Variants in ATXN7 observed in about 807,000 individuals in gnomAD.
ATXN7 encodes ataxin-7.
Under a neutral mutation model 70.5 loss-of-function variants are expected in ATXN7, and 12 were observed. The ratio of observed to expected loss-of-function variants is 0.17; its 90% CI spans 0.11 to 0.28. ATXN7 has a LOEUF of 0.28. Among genes scored for constraint, ATXN7 ranks in the 10% least tolerant of loss-of-function variants. The pLI is 1.00. For synonymous variants in ATXN7, 498 were observed against 448.7 expected (o/e 1.11, Z -1.39); for missense variants, 1,256 against 1,131.7 (o/e 1.11, Z -1.58).
chr3:63,994,306 C>T (rs1241534281), intron 11 of ATXN7, among the ~76,000 whole-genome samples: 9 of 152,176 alleles, frequency 5.9e-5, no homozygotes, highest in Admixed American at 3.3e-4. Context: ...GTGATTTCAG[C>T]TCACTGTGAC....
chr3:63,923,648 A>C (rs758644830), intron 4 of ATXN7, among the ~76,000 whole-genome samples: 7 of 152,016 alleles, frequency 4.6e-5, no homozygotes, highest in Non-Finnish European at 8.8e-5. Context: ...TCTACAAAAA[A>C]AATTAGCTGG....
chr3:63,943,264 G>A (rs936478031), intron 4 of ATXN7, among the ~76,000 whole-genome samples: 1 of 152,256 alleles, frequency 6.6e-6, no homozygotes, highest in Non-Finnish European at 1.5e-5. Flanking sequence ...TGCCAAAGCG[G>A]AGAGTTCGAA....
chr3:63,932,378 C>T (rs926762378), intron 4 of ATXN7, among the ~76,000 whole-genome samples: 4 of 152,062 alleles, frequency 2.6e-5, no homozygotes, highest in Non-Finnish European at 5.9e-5. Flanking sequence ...AGGCATGCAT[C>T]ATTTCAGATA....
intron 4 of ATXN7, among the ~76,000 whole-genome samples, chr3:63,916,811 A>G (rs1704286462): frequency 6.6e-6 from 1 of 152,200 alleles, no homozygotes; most frequent in African/African-American, 2.4e-5. Flanking sequence ...GCATTCTTGT[A>G]TTTGTATTGC....
At chr3:63,912,023 C>G (rs1704035922) in intron 2 of ATXN7, 1 of 152,270 alleles carries the variant, frequency 6.6e-6, no homozygotes. Context: ...CAAACTTCGC[C>G]GGAGCGAGCT....
chr3:63,982,879 TA>T, intron 7 of ATXN7, 59 bp from the exon 8 acceptor site: 3 of 1,319,962 alleles, frequency 2.3e-6, no homozygotes, highest in Non-Finnish European at 3.3e-6. Context: ...TTTTCTTGCT[TA>T]AAAAATACAT....
At chr3:63,952,835 C>CTTTTTTTTTTTTTTTTTTTTTTTTTTTTT (rs59256288) in intron 5 of ATXN7, among the ~76,000 whole-genome samples, 2 of 49,164 alleles carry the variant, frequency 4.1e-5, no homozygotes, top group Admixed American at 2.4e-4. Context: ...ATGCATGGGC[C>CTTTTTTTTTTTTTTTTTTTTTTTTTTTTT]TTTTTTTTTT....
At chr3:63,970,101 A>G (rs1271607608) in intron 5 of ATXN7, among the ~76,000 whole-genome samples, 6 of 152,226 alleles carry the variant, frequency 3.9e-5, no homozygotes. Context: ...TTAGCAAAGT[A>G]GAAGTGTCAG....
At chr3:63,984,201 T>C (rs1010479343) in intron 8 of ATXN7, among the ~76,000 whole-genome samples, 7 of 150,918 alleles carry the variant, frequency 4.6e-5, no homozygotes, top group African/African-American at 1.7e-4. Flanking sequence ...CCTTTAAATA[T>C]CTCATTTTTA....
At chr3:63,984,092 T>C (rs2075532833) in intron 8 of ATXN7, among the ~76,000 whole-genome samples, 1 of 152,132 alleles carries the variant, frequency 6.6e-6, no homozygotes, top group East Asian at 1.9e-4. Flanking sequence ...AATTTTTAAG[T>C]GGTTCTTACT....
intron 2 of ATXN7, among the ~76,000 whole-genome samples, chr3:63,911,006 T>C (rs1214763516): frequency 6.6e-6 from 1 of 152,042 alleles, no homozygotes; most frequent in Non-Finnish European, 1.5e-5. Context: ...AGAAGTTGGC[T>C]ACCTCTGTCA....
intron 1 of ATXN7, among the ~76,000 whole-genome samples, chr3:63,871,393 A>G (rs868726827): frequency 2.0e-5 from 3 of 152,214 alleles, no homozygotes; most frequent in African/African-American, 7.2e-5. Context: ...TAAATTTGCT[A>G]CGTATCTTTT....
At position 63,990,809 on chromosome 3, in the gene ATXN7, C is replaced by G; in HGVS notation, c.1632C>G (p.Arg544=). The change falls in exon 11 of 13, where the codon CGC becomes CGG. Residue 544 remains arginine, a synonymous_variant. Coordinates refer to ENST00000674280, the MANE Select transcript of ATXN7 (RefSeq NM_001377405.1). ...YVFDSRWNRL[R]CALNLMVEKH... ...TTGACTCCAGGTGGAATCGACTTCG[C>G]TGCGCCCTCAACCTCATGGTGGAGA... The G allele has an allele frequency of 6.2e-7, 1 of 1,614,244 alleles. No individual in the cohort carries two copies. The highest frequency in any genetic ancestry group is 8.5e-7 in the Non-Finnish European group (1 of 1,180,048).
chr3:63,905,066 T>A (rs1366087598), intron 2 of ATXN7: 1 of 152,178 alleles, frequency 6.6e-6, no homozygotes, highest in African/African-American at 2.4e-5. Context: ...CTAGTTCAAG[T>A]CCCTTATCAG....
intron 1 of ATXN7, among the ~76,000 whole-genome samples, chr3:63,884,344 T>A (rs115679345): frequency 0.17 from 25,519 of 151,036 alleles, 2,829 homozygotes; most frequent in Middle Eastern, 0.31. Flanking sequence ...CTCCCAAAGG[T>A]CAAACCTAGA....
At chr3:63,971,058 C>T (rs1273483380) in intron 5 of ATXN7, among the ~76,000 whole-genome samples, 1 of 152,128 alleles carries the variant, frequency 6.6e-6, no homozygotes, top group Non-Finnish European at 1.5e-5. Context: ...AGGAGAGATG[C>T]CTTTGGCAGA....
chr3:63,934,514 A>G (rs1157148347), intron 4 of ATXN7, among the ~76,000 whole-genome samples: 3 of 152,112 alleles, frequency 2.0e-5, no homozygotes, highest in African/African-American at 7.2e-5. Flanking sequence ...GCAGAAAGAG[A>G]ATATTTCTAG....
At chr3:63,976,526 T>G (rs1232861393) in intron 5 of ATXN7, among the ~76,000 whole-genome samples, 1 of 152,236 alleles carries the variant, frequency 6.6e-6, no homozygotes, top group African/African-American at 2.4e-5. Flanking sequence ...AATAGACTTT[T>G]TTGGGATATT....
At chr3:63,974,091 C>T (rs2075356351) in intron 5 of ATXN7, among the ~76,000 whole-genome samples, 1 of 152,062 alleles carries the variant, frequency 6.6e-6, no homozygotes, top group Admixed American at 6.6e-5. Context: ...GTCGGAGACC[C>T]TCCCCTGTCT....
Sources: gnomAD v4.1 joint callset for allele counts (sites outside exome capture counted in the v4.1 genomes callset) on GRCh38, gnomAD v4.1.1 for gene constraint, MANE v1.5 for transcripts, NCBI Gene and HGNC (gene_info 2026-07-23, HGNC 2026-07-21) for gene names.